TBC1D9: variants seen among roughly 807,000 people sequenced by gnomAD.
TBC1D9 encodes the protein TBC1 domain family member 9, also known as TBC1 domain family member 9A.
In TBC1D9, 63 loss-of-function variants were observed where a neutral mutation model predicts 132.0. The ratio of observed to expected loss-of-function variants is 0.48; its 90% CI spans 0.39 to 0.59. TBC1D9 has a LOEUF of 0.59. TBC1D9 is among the 20% of genes least tolerant of loss of function. The pLI is 0.00. For synonymous variants in TBC1D9, 610 were observed against 609.9 expected (o/e 1.00, Z 0.00); for missense variants, 1,261 against 1,592.7 (o/e 0.79, Z 3.54).
At chr4:140,689,523 C>T (rs1737842867) in intron 2 of TBC1D9, among the ~76,000 whole-genome samples, 1 of 118,384 alleles carries the variant, frequency 8.4e-6, no homozygotes, top group Admixed American at 8.7e-5. Flanking sequence ...CCCCTTTTCC[C>T]TTCCATTCCC....
Position 140,706,656 on chromosome 4 carries a change from T to G in TBC1D9, c.131-5042A>C, listed in dbSNP as rs972710383. On this transcript the variant is annotated intron_variant, in intron 1 of 20. Coordinates refer to ENST00000442267, the MANE Select transcript of TBC1D9 (RefSeq NM_015130.3). The surrounding 1 kb of genome is among the most constrained non-coding windows in gnomAD (Gnocchi z 4.0). Reference sequence around the variant, plus strand: ...CTCTCCATTAACCATTCTTAAATTGTTTTGTATTCTTCCTATCCAGGTCCT... The same window carrying G: ...CTCTCCATTAACCATTCTTAAATTGGTTTGTATTCTTCCTATCCAGGTCCT... Among the ~76,000 whole-genome samples the G allele has an allele frequency of 2.0e-5, 3 of 152,172 alleles. No homozygotes were observed.
chr4:140,698,928 T>C (rs999743116), intron 2 of TBC1D9, among the ~76,000 whole-genome samples: 1 of 152,198 alleles, frequency 6.6e-6, no homozygotes, highest in African/African-American at 2.4e-5. Context: ...TAAATGGAAC[T>C]GTAAGGCACT....
At chr4:140,664,666 A>AC (rs546324365) in intron 9 of TBC1D9, among the ~76,000 whole-genome samples, 370 of 152,294 alleles carry the variant, frequency 2.4e-3, no homozygotes, top group African/African-American at 8.4e-3. Context: ...ATAAATCCTA[A>AC]CATTTAAGGT....
At chr4:140,642,103 C>G in intron 13 of TBC1D9, 1 of 731,492 alleles carries the variant, frequency 1.4e-6, no homozygotes, top group Non-Finnish European at 2.5e-6. Flanking sequence ...GTGTGCCAGG[C>G]CCTCTTGGTC....
At chr4:140,653,068 G>T (rs921854242) in intron 13 of TBC1D9, among the ~76,000 whole-genome samples, 29 of 151,936 alleles carry the variant, frequency 1.9e-4, no homozygotes, top group Non-Finnish European at 3.5e-4. Context: ...TGCTCAAAGT[G>T]CAGGGCTTCA....
At chr4:140,656,816 A>G (rs906807733) in intron 13 of TBC1D9, among the ~76,000 whole-genome samples, 3 of 152,222 alleles carry the variant, frequency 2.0e-5, no homozygotes, top group African/African-American at 4.8e-5. Context: ...ATGGCACTAT[A>G]AAAAGGTCTT....
chr4:140,644,001 G>T, intron 13 of TBC1D9: 1 of 524,886 alleles, frequency 1.9e-6, no homozygotes, highest in Non-Finnish European at 3.6e-6. Flanking sequence ...CTCCCGCAGC[G>T]GCTCTGGGAT....
At chr4:140,676,823 AATT>A (rs1381072393) in intron 6 of TBC1D9, 68 bp downstream of exon 6, 28 of 1,558,866 alleles carry the variant, frequency 1.8e-5, no homozygotes, top group Non-Finnish European at 2.4e-5. Context: ...TTGGTAAAAA[AATT>A]ATTCCTGGTT....
chr4:140,657,959 C>T (rs1222736846), intron 11 of TBC1D9, 147 bp from the exon 12 acceptor site: 10 of 849,052 alleles, frequency 1.2e-5, no homozygotes, highest in Middle Eastern at 3.7e-4. Context: ...ACCAAGGTGT[C>T]AACACAGCTC....
intron 3 of TBC1D9, among the ~76,000 whole-genome samples, chr4:140,681,500 T>C (rs1328861252): frequency 6.6e-6 from 1 of 152,180 alleles, no homozygotes; most frequent in Non-Finnish European, 1.5e-5. Context: ...TAGTTAAAAG[T>C]AAGCATGTAG....
intron 2 of TBC1D9, among the ~76,000 whole-genome samples, chr4:140,688,229 G>A (rs1391864222): frequency 6.6e-6 from 1 of 152,210 alleles, no homozygotes; most frequent in Non-Finnish European, 1.5e-5. Context: ...AAAAGCAGTG[G>A]GATAACTGTC....
chr4:140,736,608 T>C (rs893362539), intron 1 of TBC1D9, among the ~76,000 whole-genome samples: 3 of 151,986 alleles, frequency 2.0e-5, no homozygotes, highest in Non-Finnish European at 4.4e-5. Context: ...GATCAGTGGC[T>C]ACACTCAAGC....
At chr4:140,730,700 T>C (rs1441520972) in intron 1 of TBC1D9, among the ~76,000 whole-genome samples, 5 of 152,120 alleles carry the variant, frequency 3.3e-5, no homozygotes, top group Admixed American at 1.3e-4. Context: ...CACTCCAGCC[T>C]GGGCAACAGA....
At chr4:140,738,817 C>A (rs1738715629) in intron 1 of TBC1D9, among the ~76,000 whole-genome samples, 1 of 152,120 alleles carries the variant, frequency 6.6e-6, no homozygotes. Context: ...GACTTAGAAG[C>A]CTTAAAATGG....
At chr4:140,644,420 G>T (rs74557126) in intron 13 of TBC1D9, 36,775 of 290,964 alleles carry the variant, frequency 0.13, 2,584 homozygotes, top group African/African-American at 0.17. Flanking sequence ...TGGCCTTCAG[G>T]GCGGCCATGG....
intron 20 of TBC1D9, among the ~76,000 whole-genome samples, chr4:140,623,242 C>A (rs1378434834): frequency 6.6e-6 from 1 of 152,014 alleles, no homozygotes; most frequent in African/African-American, 2.4e-5. Flanking sequence ...CTAATCTTTG[C>A]GTTTTTTGTA....
intron 3 of TBC1D9, among the ~76,000 whole-genome samples, chr4:140,685,414 C>T (rs1207571473): frequency 1.3e-5 from 2 of 152,076 alleles, no homozygotes; most frequent in African/African-American, 2.4e-5. Flanking sequence ...ACAACTGAAT[C>T]GATTCATAAT....
Position 140,661,980 on chromosome 4 carries a change from T to C in TBC1D9, c.1716A>G (p.Pro572=). ...RDLHRSLPEH[P]AFQNEMGIAA... is the part of the protein sequence containing the mutation. Reference sequence around the variant, plus strand: ...CAATGCCCATTTCATTCTGAAAAGCTGGGTGTTCTGGAAGGGAGCGGTGTA... The same window carrying C: ...CAATGCCCATTTCATTCTGAAAAGCCGGGTGTTCTGGAAGGGAGCGGTGTA... Residue 572 remains proline (P), a synonymous_variant, in exon 10 of 21, where the codon CCA becomes CCG. Transcript: ENST00000442267. 1 of 1,614,074 alleles carries C rather than the reference T, an allele frequency of 6.2e-7. No homozygotes were observed.
At chr4:140,702,658 TCTTTTAACCAC>T (rs1398545169) in intron 1 of TBC1D9, among the ~76,000 whole-genome samples, 3 of 152,230 alleles carry the variant, frequency 2.0e-5, no homozygotes, top group African/African-American at 7.2e-5. Context: ...TGCAAATTTC[TCTTTTAACCAC>T]CTTTTAACCA....
Sources: allele counts gnomAD v4.1 joint callset (sites outside exome capture counted in the v4.1 genomes callset), GRCh38; gene constraint gnomAD v4.1.1; non-coding constraint Gnocchi (gnomAD v3.1); transcripts MANE v1.5; gene names NCBI Gene and HGNC (gene_info 2026-07-23, HGNC 2026-07-21).